PEAK1: variants seen among roughly 807,000 people sequenced by gnomAD.
The protein encoded by PEAK1 is inactive tyrosine-protein kinase PEAK1.
In PEAK1, 54 loss-of-function variants were observed where a neutral mutation model predicts 124.7. The ratio of observed to expected loss-of-function variants is 0.43; its 90% CI spans 0.35 to 0.54. PEAK1 has a LOEUF of 0.54. Among genes scored for constraint, PEAK1 ranks in the 20% least tolerant of loss-of-function variants. PEAK1 has a pLI of 0.01. For missense variants in PEAK1, 2,046 were observed against 2,134.5 expected (o/e 0.96, Z 0.82); for synonymous variants, 719 against 760.0 (o/e 0.95, Z 0.89).
chr15:77,213,901 A>T (rs1455059710), intron 6 of PEAK1, among the ~76,000 whole-genome samples: 2 of 152,192 alleles, frequency 1.3e-5, no homozygotes, highest in Non-Finnish European at 2.9e-5. Flanking sequence ...CCCTCACTCA[A>T]AAAGTGTCCT....
intron 2 of PEAK1, chr15:77,349,750 T>C (rs2067094397): frequency 6.1e-6 from 6 of 985,216 alleles, no homozygotes; most frequent in Non-Finnish European, 7.2e-6. Context: ...TAGACTTAAG[T>C]TGAGATGATT....
chr15:77,209,176 T>C (rs1317253301), intron 6 of PEAK1, among the ~76,000 whole-genome samples: 1 of 152,192 alleles, frequency 6.6e-6, no homozygotes, highest in Non-Finnish European at 1.5e-5. Flanking sequence ...CTTTTATGTC[T>C]CTTTTTTAAT....
chr15:77,302,390 CA>C (rs2063833635), intron 2 of PEAK1, among the ~76,000 whole-genome samples: 1 of 152,174 alleles, frequency 6.6e-6, no homozygotes, highest in South Asian at 2.1e-4. Flanking sequence ...TCCATTACCA[CA>C]TGGATCATTT....
At chr15:77,116,700 C>CT (rs1203310127) in intron 9 of PEAK1, among the ~76,000 whole-genome samples, 108 of 133,386 alleles carry the variant, frequency 8.1e-4, no homozygotes, top group African/African-American at 2.0e-3. Context: ...GGAAATCAAT[C>CT]AATCTATCTA....
intron 2 of PEAK1, among the ~76,000 whole-genome samples, chr15:77,318,468 AG>A (rs1331297703): frequency 1.3e-5 from 2 of 152,290 alleles, no homozygotes; most frequent in African/African-American, 4.8e-5. Flanking sequence ...AACACACAGT[AG>A]TAAATGTGTG....
intron 1 of PEAK1, among the ~76,000 whole-genome samples, chr15:77,394,034 T>C (rs1197046518): frequency 6.6e-6 from 1 of 152,110 alleles, no homozygotes; most frequent in African/African-American, 2.4e-5. Context: ...GGGGACAGAA[T>C]TCTCTGCTTG....
intron 8 of PEAK1, among the ~76,000 whole-genome samples, chr15:77,134,810 T>G (rs2152743692): frequency 6.6e-6 from 1 of 152,358 alleles, no homozygotes; most frequent in Non-Finnish European, 1.5e-5. Flanking sequence ...GTTGAAGTGC[T>G]AACCCCTGGT....
chr15:77,133,896 A>C lies in PEAK1; in HGVS notation c.3332-146T>G. On this transcript the variant is annotated intron_variant, in intron 8 of 9. Coordinates refer to ENST00000682557, the MANE Select transcript of PEAK1 (RefSeq NM_001385026.1). The surrounding 1 kb of genome is among the most constrained non-coding windows in gnomAD (Gnocchi z 4.2). ...CTTTAGTTCAAAATGGGAAAAGAGA[A>C]CAACCAAAGAACAAATACCTAAACA... The C allele has an allele frequency of 1.1e-6, 1 of 934,242 alleles. No individual in the cohort carries two copies. The allele number at this position is 934,242 out of a possible 1,614,324, so 57.9% of individuals were successfully genotyped here. A position where few individuals can be genotyped will look rare whatever the true frequency, so the allele number is the denominator to read the frequency against.
In PEAK1 at chr15:77,112,368, T is replaced by G. The variant is rs1566977631; in HGVS notation, c.*1788A>C. On this transcript the variant is annotated 3_prime_UTR_variant, in exon 10 of 10. Transcript: ENST00000682557. ...TTAGAAATTTCCAAGGCCACTAATGTGCTATGTAAGTAATACTGCACAGTC... is the reference window on the plus strand; with the variant it reads ...TTAGAAATTTCCAAGGCCACTAATGGGCTATGTAAGTAATACTGCACAGTC... The G allele has an allele frequency of 6.6e-6, 1 of 152,258 alleles. No homozygotes were observed. The highest frequency in any genetic ancestry group is 1.5e-5 in the Non-Finnish European group (1 of 68,050). The allele number at this position is 152,258 out of a possible 1,614,324, so 9.4% of individuals were successfully genotyped here. A position where few individuals can be genotyped will look rare whatever the true frequency, so the allele number is the denominator to read the frequency against.
chr15:77,405,649 A>C (rs970444397), intron 1 of PEAK1, among the ~76,000 whole-genome samples: 9 of 152,204 alleles, frequency 5.9e-5, no homozygotes, highest in Admixed American at 2.0e-4. Context: ...GGCCCATAGA[A>C]GATAAGAGAA....
intron 2 of PEAK1, among the ~76,000 whole-genome samples, chr15:77,351,532 A>G (rs554984526): frequency 2.0e-5 from 3 of 152,282 alleles, no homozygotes; most frequent in East Asian, 1.9e-4. Flanking sequence ...CATAGGGCGT[A>G]CCCCAAGTAA....
At chr15:77,228,327 T>C (rs2059766779) in intron 6 of PEAK1, among the ~76,000 whole-genome samples, 1 of 152,278 alleles carries the variant, frequency 6.6e-6, no homozygotes, top group East Asian at 1.9e-4. Context: ...ACAAAAATTA[T>C]AGGGTGGCTA....
chr15:77,305,922 C>T (rs1019080811), intron 2 of PEAK1, among the ~76,000 whole-genome samples: 1 of 151,946 alleles, frequency 6.6e-6, no homozygotes, highest in Non-Finnish European at 1.5e-5. Context: ...TTTGTTGAAT[C>T]CACAGATATG....
chr15:77,403,770 T>G (rs1442981689), intron 1 of PEAK1: 1 of 974,292 alleles, frequency 1.0e-6, no homozygotes, highest in Admixed American at 6.2e-5. Context: ...TAAGGAATAT[T>G]TTTCACATGA....
intron 7 of PEAK1, among the ~76,000 whole-genome samples, chr15:77,174,890 G>T (rs542129072): frequency 0.011 from 1,716 of 152,088 alleles, 34 homozygotes; most frequent in African/African-American, 0.04. Context: ...CATGGTACTG[G>T]TACCAAAACA....
intron 1 of PEAK1, among the ~76,000 whole-genome samples, chr15:77,379,144 T>C (rs2069268391): frequency 6.6e-6 from 1 of 152,174 alleles, no homozygotes; most frequent in South Asian, 2.1e-4. Context: ...AACCTACAAA[T>C]AGTGCTGAAA....
intron 2 of PEAK1, chr15:77,355,857 G>A (rs1307830253): frequency 3.0e-6 from 3 of 985,120 alleles, no homozygotes; most frequent in Non-Finnish European, 3.6e-6. Context: ...TATCAGCCCT[G>A]GAAAAGTTAC....
chr15:77,256,708 C>G (rs2061156757), intron 5 of PEAK1, among the ~76,000 whole-genome samples: 1 of 151,722 alleles, frequency 6.6e-6, no homozygotes, highest in African/African-American at 2.4e-5. Context: ...TATATATTGT[C>G]TATGGCTAAT....
intron 6 of PEAK1, among the ~76,000 whole-genome samples, chr15:77,247,270 C>T (rs529952884): frequency 4.0e-5 from 6 of 151,840 alleles, no homozygotes; most frequent in Non-Finnish European, 7.4e-5. Flanking sequence ...TTGTCTTGTT[C>T]TCAATTTTAG....
Sources: allele counts gnomAD v4.1 joint callset (sites outside exome capture counted in the v4.1 genomes callset), GRCh38; gene constraint gnomAD v4.1.1; non-coding constraint Gnocchi (gnomAD v3.1); transcripts MANE v1.5; gene names NCBI Gene and HGNC (gene_info 2026-07-23, HGNC 2026-07-21).